UNC5C: variants seen among roughly 807,000 people sequenced by gnomAD.
The protein encoded by UNC5C is unc-5 netrin receptor C.
UNC5C carries 47 observed loss-of-function variants against 99.8 expected under a neutral mutation model. The ratio of observed to expected loss-of-function variants is 0.47; its 90% CI spans 0.37 to 0.60. The LOEUF is 0.60. Among genes scored for constraint, UNC5C ranks in the 20% least tolerant of loss-of-function variants. The pLI is 0.00. For missense variants in UNC5C, 1,062 were observed against 1,165.9 expected (o/e 0.91, Z 1.30); for synonymous variants, 487 against 452.2 (o/e 1.08, Z -0.98).
chr4:95,193,883 C>T (rs1239226449), intron 12 of UNC5C, among the ~76,000 whole-genome samples: 1 of 152,174 alleles, frequency 6.6e-6, no homozygotes, highest in Non-Finnish European at 1.5e-5. Flanking sequence ...CTGCTCGGGT[C>T]GCCATCCCTG....
At chr4:95,219,434 A>G (rs1738384481) in intron 8 of UNC5C, 121 bp from the exon 9 acceptor site, 2 of 901,482 alleles carry the variant, frequency 2.2e-6, no homozygotes, top group African/African-American at 1.7e-5. Context: ...TATCGGAGAT[A>G]GATAGACAGG....
chr4:95,239,749 G>T (rs918360280), intron 7 of UNC5C, among the ~76,000 whole-genome samples: 7 of 152,148 alleles, frequency 4.6e-5, no homozygotes, highest in Non-Finnish European at 8.8e-5. Flanking sequence ...TCAGTCAAAG[G>T]TGTTTGTATT....
intron 3 of UNC5C, among the ~76,000 whole-genome samples, chr4:95,285,922 G>C (rs930570763): frequency 1.3e-5 from 2 of 152,108 alleles, no homozygotes; most frequent in Non-Finnish European, 2.9e-5. Context: ...CAAGGTTTTG[G>C]CATACAAAAC....
chr4:95,336,568 T>C (rs540537348), intron 1 of UNC5C, among the ~76,000 whole-genome samples: 2 of 152,058 alleles, frequency 1.3e-5, no homozygotes, highest in South Asian at 2.1e-4. Context: ...TTATTTCTCC[T>C]TCAGTTGTTG....
chr4:95,486,639 T>C (rs1367467450), intron 1 of UNC5C, among the ~76,000 whole-genome samples: 4 of 151,704 alleles, frequency 2.6e-5, no homozygotes, highest in Admixed American at 1.3e-4. Context: ...TATTCCAAAA[T>C]GCAAATCTGA....
At chr4:95,384,442 G>A (rs1335642501) in intron 1 of UNC5C, among the ~76,000 whole-genome samples, 1 of 152,122 alleles carries the variant, frequency 6.6e-6, no homozygotes, top group Non-Finnish European at 1.5e-5. Context: ...CCACTTAGGT[G>A]GGAGTGTGTG....
At chr4:95,443,371 GT>G (rs1343271759) in intron 1 of UNC5C, among the ~76,000 whole-genome samples, 4 of 152,070 alleles carry the variant, frequency 2.6e-5, no homozygotes, top group African/African-American at 7.2e-5. Context: ...GAGTAACAGG[GT>G]ACCTATTTTT....
At chr4:95,411,736 G>A (rs1303375916) in intron 1 of UNC5C, among the ~76,000 whole-genome samples, 1 of 152,154 alleles carries the variant, frequency 6.6e-6, no homozygotes, top group East Asian at 1.9e-4. Flanking sequence ...TTGGCTAAGT[G>A]ATATTTAGGA....
chr4:95,341,182 T>A (rs1743558844), intron 1 of UNC5C, among the ~76,000 whole-genome samples: 1 of 151,484 alleles, frequency 6.6e-6, no homozygotes, highest in African/African-American at 2.4e-5. Context: ...TGTAAATACA[T>A]ATGTACGAAG....
Position 95,548,859 on chromosome 4 carries a change from G to T in UNC5C, c.-2C>A, listed in dbSNP as rs368716111. 6.2e-7 allele frequency: 1 copy of T among 1,612,704 alleles called. No homozygotes were observed. Among genetic ancestry groups the T allele is most frequent in the East Asian group, 2.2e-5 (1 of 44,812 alleles). The stretch of plus-strand genomic sequence containing the variant: ...TGTCGCCCGCAGACCTTTCCTCATC[G>T]TAGACAGAGGTGTGCCGGGGGGAGG... On this transcript the variant is annotated 5_prime_UTR_variant, in exon 1 of 16. Coordinates refer to ENST00000453304, the MANE Select transcript of UNC5C (RefSeq NM_003728.4).
At chr4:95,508,098 A>C (rs544089527) in intron 1 of UNC5C, among the ~76,000 whole-genome samples, 2 of 152,000 alleles carry the variant, frequency 1.3e-5, no homozygotes, top group South Asian at 2.1e-4. Context: ...TCCATCCTTC[A>C]TATGGTTCCA....
chr4:95,182,879 C>T lies in UNC5C; in HGVS notation c.2451+18G>A. On this transcript the variant is annotated intron_variant, in intron 14 of 15. Transcript: ENST00000453304. ...TGTCGCACTCTCCCCTGATTTCAGA[C>T]AGACAGGAGCCACTTACCTCTGACA... The T allele has an allele frequency of 1.2e-6, 2 of 1,600,726 alleles. No individual in the cohort carries two copies. The highest frequency in any genetic ancestry group is 2.2e-5 in the East Asian group (1 of 44,528).
chr4:95,241,264 A>G (rs1739321579), intron 7 of UNC5C, among the ~76,000 whole-genome samples: 1 of 152,224 alleles, frequency 6.6e-6, no homozygotes, highest in Non-Finnish European at 1.5e-5. Context: ...TCATTACCAG[A>G]AGCTGTGCTT....
intron 3 of UNC5C, among the ~76,000 whole-genome samples, chr4:95,278,570 G>A (rs973699358): frequency 6.6e-6 from 1 of 151,814 alleles, no homozygotes; most frequent in African/African-American, 2.4e-5. Context: ...GAACTCCTGG[G>A]CTCAAGCGAT....
At chr4:95,293,262 T>C (rs976946601) in intron 3 of UNC5C, among the ~76,000 whole-genome samples, 4 of 151,426 alleles carry the variant, frequency 2.6e-5, no homozygotes, top group African/African-American at 9.7e-5. Context: ...AGCCAAGGTC[T>C]GTTTATGTTT....
rs965579328 is a variant in UNC5C, at chr4:95,168,328, A to G, written c.*906T>C. ...GACCACACCCACCTTGATAGGTGAAAAGGTGGGACAGGTCTAGTCAATAAC... is the reference window on the plus strand; with the variant it reads ...GACCACACCCACCTTGATAGGTGAAGAGGTGGGACAGGTCTAGTCAATAAC... On this transcript the variant is annotated 3_prime_UTR_variant, in exon 16 of 16. Coordinates refer to ENST00000453304, the MANE Select transcript of UNC5C (RefSeq NM_003728.4). 6.6e-6 allele frequency: 1 copy of G among 152,206 alleles called. No individual in the cohort carries two copies. The highest frequency in any genetic ancestry group is 1.5e-5 in the Non-Finnish European group (1 of 68,038). The allele number at this position is 152,206 out of a possible 1,614,324, so 9.4% of individuals were successfully genotyped here.
At chr4:95,243,641 A>C (rs1448884782) in intron 6 of UNC5C, among the ~76,000 whole-genome samples, 1 of 152,222 alleles carries the variant, frequency 6.6e-6, no homozygotes, top group African/African-American at 2.4e-5. Context: ...TGAGAAATCT[A>C]AGTGATTTCA....
chr4:95,235,491 G>C (rs1739074814), intron 7 of UNC5C, among the ~76,000 whole-genome samples: 1 of 152,074 alleles, frequency 6.6e-6, no homozygotes, highest in African/African-American at 2.4e-5. Context: ...AGTTTAATTA[G>C]ATCCCATTTG....
chr4:95,285,384 CT>C (rs912886284), intron 3 of UNC5C, among the ~76,000 whole-genome samples: 1 of 152,048 alleles, frequency 6.6e-6, no homozygotes, highest in African/African-American at 2.4e-5. Context: ...TACTGTTGTT[CT>C]TTTTTTAGAC....
Sources: allele counts gnomAD v4.1 joint callset (sites outside exome capture counted in the v4.1 genomes callset), GRCh38; gene constraint gnomAD v4.1.1; transcripts MANE v1.5; gene names NCBI Gene and HGNC (gene_info 2026-07-23, HGNC 2026-07-21).